Variants in NXN observed in about 807,000 individuals in gnomAD.
NXN encodes nucleoredoxin.
NXN carries 16 observed loss-of-function variants against 48.6 expected under a neutral mutation model. That is an observed-to-expected ratio of 0.33 (90% CI 0.22 to 0.50). The LOEUF (loss-of-function observed/expected upper bound fraction) is 0.50. Ranked by LOEUF, NXN falls within the 20% of genes least tolerant of loss-of-function variation. The probability of loss-of-function intolerance (pLI) is 0.98; values close to 1 mark genes in which losing one functional copy is unlikely to be tolerated. For synonymous variants in NXN, 281 were observed against 269.6 expected, an observed-to-expected ratio of 1.04 and a Z score of -0.41; for missense variants, 492 against 605.5, an observed-to-expected ratio of 0.81 and a Z score of 1.97.
rs78260981 is a variant in NXN at position 807,368 on chromosome 17, G to A, written c.821-2121C>T. Among the ~76,000 whole-genome samples the A allele has an allele frequency of 8.2e-3, 1,257 of 152,370 alleles. 10 individuals are homozygous for A. Among genetic ancestry groups the A allele is most frequent in the East Asian group, 0.041 (212 of 5,182 alleles). Reference sequence around the variant, plus strand: ...GCGGCCAGCCTGCGTGTGCCCCGGCGTGGGATGCCGAGTGGGTCTGTGGAA... The same window carrying A: ...GCGGCCAGCCTGCGTGTGCCCCGGCATGGGATGCCGAGTGGGTCTGTGGAA... On this transcript the variant is annotated intron_variant, in intron 5 of 7. Coordinates refer to ENST00000336868, the MANE Select transcript of NXN (RefSeq NM_022463.5).
At chr17:853,802 A>C (rs2067954382) in intron 1 of NXN, among the ~76,000 whole-genome samples, 1 of 147,958 alleles carries the variant, frequency 6.8e-6, no homozygotes, top group Admixed American at 6.8e-5. Flanking sequence ...GGCTCACTGC[A>C]ACCTCTGCCT....
At chr17:805,943 TG>T (rs1567808066) in intron 5 of NXN, among the ~76,000 whole-genome samples, 1 of 152,090 alleles carries the variant, frequency 6.6e-6, no homozygotes, top group East Asian at 1.9e-4. Flanking sequence ...CCCCAGCTGC[TG>T]GGGGTCAAAC....
chr17:802,729 G>T (rs888717166), intron 7 of NXN, among the ~76,000 whole-genome samples: 1 of 152,192 alleles, frequency 6.6e-6, no homozygotes, highest in Non-Finnish European at 1.5e-5. Flanking sequence ...GACTGGAGCC[G>T]CCTGGGAAGG....
chr17:979,387 G>C lies in NXN; in HGVS notation c.292C>G (p.Arg98Gly). 2 of 1,523,190 alleles carry C rather than the reference G, an allele frequency of 1.3e-6. No individual in the cohort carries two copies. Among genetic ancestry groups the C allele is most frequent in the Non-Finnish European group, 1.8e-6 (2 of 1,135,972 alleles). The allele number at this position is 1,523,190 out of a possible 1,614,324, so 94.4% of individuals were successfully genotyped here. A position where few individuals can be genotyped will look rare whatever the true frequency, so the allele number is the denominator to read the frequency against. ...IVFVSSDQDQ[R>G]QWQDFVRDMP... ...TCCCGCACGAAGTCCTGCCACTGCC[G>C]CTGGTCCTGGTCCGAGGACACGAAG... The change falls in exon 1 of 8, where the codon CGG becomes GGG. Residue 98 changes from arginine to glycine, a missense_variant. Coordinates refer to ENST00000336868, the MANE Select transcript of NXN (RefSeq NM_022463.5).
At chr17:838,762 G>A (rs2144696916) in intron 1 of NXN, among the ~76,000 whole-genome samples, 1 of 152,328 alleles carries the variant, frequency 6.6e-6, no homozygotes, top group African/African-American at 2.4e-5. Context: ...TGCCAGGAGG[G>A]CCCTGAATCT....
chr17:879,751 G>C (rs2068263763), intron 1 of NXN: 1 of 152,254 alleles, frequency 6.6e-6, no homozygotes, highest in South Asian at 2.1e-4. Flanking sequence ...GAGCTGGTGG[G>C]AGGAGCTTTT....
intron 1 of NXN, among the ~76,000 whole-genome samples, chr17:887,119 G>C (rs1266304462): frequency 6.6e-6 from 1 of 151,414 alleles, no homozygotes; most frequent in Non-Finnish European, 1.5e-5. Flanking sequence ...GTCTCACCAT[G>C]TTGCCCAGGC....
At chr17:944,484 C>T (rs11869789) in intron 1 of NXN, among the ~76,000 whole-genome samples, 77,736 of 152,114 alleles carry the variant, frequency 0.51, 23,642 homozygotes, top group Non-Finnish European at 0.7. Flanking sequence ...GCTGTGTTCA[C>T]CAAGCGTGGG....
intron 1 of NXN, among the ~76,000 whole-genome samples, chr17:839,797 T>TA (rs553678056): frequency 0.19 from 10,752 of 57,192 alleles, 1,739 homozygotes; most frequent in Middle Eastern, 0.36. Context: ...GAGACCTTGT[T>TA]AAAAAAAAAA....
intron 1 of NXN, among the ~76,000 whole-genome samples, chr17:843,232 G>A (rs929772753): frequency 2.0e-5 from 3 of 152,196 alleles, no homozygotes; most frequent in African/African-American, 7.2e-5. Context: ...GGCTGCTGGC[G>A]TGGGGAGTCC....
At chr17:902,707 C>T (rs2144901630) in intron 1 of NXN, among the ~76,000 whole-genome samples, 1 of 151,948 alleles carries the variant, frequency 6.6e-6, no homozygotes, top group Non-Finnish European at 1.5e-5. Flanking sequence ...CCATCATCAG[C>T]CCCTCCCATC....
intron 1 of NXN, among the ~76,000 whole-genome samples, chr17:961,092 C>T (rs368180813): frequency 1.3e-5 from 2 of 151,402 alleles, no homozygotes; most frequent in African/African-American, 2.4e-5. Context: ...CCAATTAACT[C>T]GATTTTTAAT....
chr17:951,606 G>A (rs28498816), intron 1 of NXN, among the ~76,000 whole-genome samples: 2 of 151,970 alleles, frequency 1.3e-5, no homozygotes, highest in Admixed American at 1.3e-4. Context: ...CAGCTGTGTG[G>A]AGACAAACCT....
chr17:873,278 C>T (rs1023871170), intron 1 of NXN, among the ~76,000 whole-genome samples: 2 of 151,972 alleles, frequency 1.3e-5, no homozygotes, highest in African/African-American at 4.8e-5. Context: ...GGGTGGATCA[C>T]TTGAGATCAG....
intron 1 of NXN, among the ~76,000 whole-genome samples, chr17:886,860 T>C (rs939288048): frequency 6.6e-6 from 1 of 152,166 alleles, no homozygotes; most frequent in African/African-American, 2.4e-5. Flanking sequence ...GAGGAAGGCT[T>C]TGATCTCATT....
intron 1 of NXN, among the ~76,000 whole-genome samples, chr17:839,328 G>A (rs941176807): frequency 1.3e-5 from 2 of 151,946 alleles, no homozygotes; most frequent in Non-Finnish European, 1.5e-5. Flanking sequence ...CCAGCTACTC[G>A]GGAGGCTGAG....
intron 1 of NXN, among the ~76,000 whole-genome samples, chr17:873,769 G>GA (rs759289307): frequency 4.6e-5 from 7 of 152,138 alleles, no homozygotes; most frequent in Non-Finnish European, 1.0e-4. Flanking sequence ...GTTTATTAAG[G>GA]AAAAATGTTT....
intron 1 of NXN, among the ~76,000 whole-genome samples, chr17:911,998 C>T (rs947226908): frequency 6.7e-6 from 1 of 149,936 alleles, no homozygotes; most frequent in African/African-American, 2.5e-5. Flanking sequence ...AGTACAGTGG[C>T]GCGATCTCGG....
At chr17:961,904 G>A (rs957271338) in intron 1 of NXN, among the ~76,000 whole-genome samples, 4 of 152,174 alleles carry the variant, frequency 2.6e-5, no homozygotes, top group Non-Finnish European at 5.9e-5. Context: ...CCAGGTGGAG[G>A]CGGGTGGATC....
Sources: gnomAD v4.1 joint callset for allele counts (sites outside exome capture counted in the v4.1 genomes callset) on GRCh38, gnomAD v4.1.1 for gene constraint, MANE v1.5 for transcripts, NCBI Gene and HGNC (gene_info 2026-07-23, HGNC 2026-07-21) for gene names.